ASB17: variants seen among roughly 807,000 people sequenced by gnomAD.
ASB17 encodes the protein ankyrin repeat and SOCS box protein 17.
Under a neutral mutation model 25.7 loss-of-function variants are expected in ASB17, and 26 were observed. The observed-to-expected ratio is 1.01, with a 90% confidence interval of 0.74 to 1.40. ASB17 has a LOEUF of 1.40. ASB17 is among the 40% of genes most tolerant of loss of function. The probability of loss-of-function intolerance (pLI) is 0.00; values close to 1 mark genes in which losing one functional copy is unlikely to be tolerated. For synonymous variants in ASB17, 128 were observed against 121.4 expected (o/e 1.05, Z -0.36); for missense variants, 326 against 338.5 (o/e 0.96, Z 0.29).
At chr1:75,919,902 A>G (rs1347107117) in intron 2 of ASB17, among the ~76,000 whole-genome samples, 2 of 152,244 alleles carry the variant, frequency 1.3e-5, no homozygotes, top group East Asian at 1.9e-4. Flanking sequence ...GTATATACCC[A>G]GTAATGGGAT....
At chr1:75,929,166 G>T (rs1653251509) in intron 1 of ASB17, among the ~76,000 whole-genome samples, 1 of 152,024 alleles carries the variant, frequency 6.6e-6, no homozygotes, top group African/African-American at 2.4e-5. Context: ...GATGGGGTTT[G>T]GGAGAAATAC....
rs114409813 is a variant in ASB17 at position 75,922,330 on chromosome 1, G to A, written c.431C>T (p.Pro144Leu). ...RTFTPVYCPS[P>L]LSGITPLFYV... ...AAAGAGAGGTGTGATGCCACTTAAT[G>A]GGCTTGGACAGTATACTGGTGTGAA... Residue 144 changes from proline (P) to leucine (L), a missense_variant, in exon 2 of 3, where the codon CCA becomes CTA. Pro to Leu is a moderately conservative substitution (Grantham distance 98). Coordinates refer to ENST00000284142, the MANE Select transcript of ASB17 (RefSeq NM_080868.3). The A allele has an allele frequency of 2.8e-4, 459 of 1,612,628 alleles. 1 individual carries two copies. The African/African-American group carries it at 5.5e-3, about 19-fold the overall frequency.
At chr1:75,920,014 G>A (rs901507906) in intron 2 of ASB17, among the ~76,000 whole-genome samples, 1 of 152,102 alleles carries the variant, frequency 6.6e-6, no homozygotes, top group Non-Finnish European at 1.5e-5. Flanking sequence ...GAGTAGTAAC[G>A]GTCAACTTAG....
chr1:75,926,049 G>A (rs192507386), intron 1 of ASB17, among the ~76,000 whole-genome samples: 228 of 152,156 alleles, frequency 1.5e-3, no homozygotes, highest in African/African-American at 5.2e-3. Flanking sequence ...GCTATTCCCA[G>A]GCAATTTCAT....
chr1:75,929,113 C>G (rs1653250088), intron 1 of ASB17, among the ~76,000 whole-genome samples: 1 of 152,084 alleles, frequency 6.6e-6, no homozygotes, highest in Non-Finnish European at 1.5e-5. Flanking sequence ...ACAGAAAGGT[C>G]TTTGTGGCTG....
rs555134387 is a variant in ASB17 at position 75,922,576 on chromosome 1, G to A, written c.402-217C>T. 2.4e-3 allele frequency among the ~76,000 whole-genome samples: 315 copies of A among 129,344 alleles called. 2 individuals are homozygous for A. Among genetic ancestry groups the A allele is most frequent in the Non-Finnish European group, 3.8e-3 (246 of 64,508 alleles). 84.9% of individuals were successfully genotyped at this position (129,344 alleles called of 152,430 possible). ...CAAAGGCACGATCTCTGCTCACTGC[G>A]ACCTCTGCCTCCTGGGTTCAAGTGA... On this transcript the variant is annotated intron_variant, in intron 1 of 2. Transcript: ENST00000284142.
At chr1:75,925,269 T>G (rs1455067612) in intron 1 of ASB17, among the ~76,000 whole-genome samples, 1 of 152,104 alleles carries the variant, frequency 6.6e-6, no homozygotes, top group East Asian at 1.9e-4. Flanking sequence ...AAAGGCAGTT[T>G]AATGTATTCA....
At chr1:75,919,274 C>T (rs1408700386) in intron 2 of ASB17, 116 bp from the exon 3 acceptor site, 1 of 767,872 alleles carries the variant, frequency 1.3e-6, no homozygotes, top group African/African-American at 1.8e-5. Context: ...TTATAAAACC[C>T]TTATAACTTT....
chr1:75,921,051 G>A (rs988310290), intron 2 of ASB17, among the ~76,000 whole-genome samples: 2 of 152,210 alleles, frequency 1.3e-5, no homozygotes, highest in African/African-American at 4.8e-5. Context: ...TGGGATTACA[G>A]GCGTGAGCCA....
At chr1:75,926,411 G>C (rs1653173378) in intron 1 of ASB17, among the ~76,000 whole-genome samples, 1 of 152,226 alleles carries the variant, frequency 6.6e-6, no homozygotes, top group South Asian at 2.1e-4. Flanking sequence ...ACCAGAAGGA[G>C]GTGCGGAAGT....
chr1:75,928,008 A>G (rs1404066968), intron 1 of ASB17, among the ~76,000 whole-genome samples: 1 of 152,130 alleles, frequency 6.6e-6, no homozygotes, highest in African/African-American at 2.4e-5. Context: ...TATCTCCCTT[A>G]GTTTCAGTAA....
At chr1:75,919,717 C>A (rs1285555478) in intron 2 of ASB17, among the ~76,000 whole-genome samples, 1 of 152,156 alleles carries the variant, frequency 6.6e-6, no homozygotes, top group Non-Finnish European at 1.5e-5. Flanking sequence ...GGCATGAACT[C>A]ATCCTTTTTT....
At chr1:75,922,488 CTTT>C (rs3037164) in intron 1 of ASB17, 129 bp from the exon 2 acceptor site, 2,754 of 121,932 alleles carry the variant, frequency 0.023, no homozygotes, top group Middle Eastern at 0.047. Context: ...TTATATGTTT[CTTT>C]TTTTTTTTTT....
At chr1:75,924,874 T>C (rs1653128504) in intron 1 of ASB17, among the ~76,000 whole-genome samples, 2 of 152,084 alleles carry the variant, frequency 1.3e-5, no homozygotes, top group African/African-American at 4.8e-5. Flanking sequence ...TAAACTGTTT[T>C]GTGAACTCTT....
At chr1:75,927,028 G>A (rs1270120634) in intron 1 of ASB17, among the ~76,000 whole-genome samples, 1 of 152,116 alleles carries the variant, frequency 6.6e-6, no homozygotes, top group Non-Finnish European at 1.5e-5. Context: ...GTCCTTATAA[G>A]TGCAGAGAAT....
intron 1 of ASB17, among the ~76,000 whole-genome samples, chr1:75,924,041 G>A (rs945971840): frequency 6.6e-6 from 1 of 152,046 alleles, no homozygotes; most frequent in Non-Finnish European, 1.5e-5. Flanking sequence ...TACTATAGAA[G>A]CACTGAGGAG....
intron 2 of ASB17, among the ~76,000 whole-genome samples, 163 bp from the exon 3 acceptor site, chr1:75,919,321 TC>T (rs1652966307): frequency 6.6e-6 from 1 of 152,192 alleles, no homozygotes; most frequent in Non-Finnish European, 1.5e-5. Flanking sequence ...AGTATTTTAT[TC>T]CCATTTTTTT....
At chr1:75,919,797 T>C (rs1289134823) in intron 2 of ASB17, among the ~76,000 whole-genome samples, 2 of 152,184 alleles carry the variant, frequency 1.3e-5, no homozygotes, top group African/African-American at 4.8e-5. Flanking sequence ...TGTTGGACAT[T>C]TGGGTTGGTT....
chr1:75,931,309 T>G (rs1161844523), intron 1 of ASB17, among the ~76,000 whole-genome samples: 1 of 152,204 alleles, frequency 6.6e-6, no homozygotes, highest in Non-Finnish European at 1.5e-5. Context: ...ATTGGAGATT[T>G]GATTTTCATA....
Sources: gnomAD v4.1 joint callset for allele counts (sites outside exome capture counted in the v4.1 genomes callset) on GRCh38, gnomAD v4.1.1 for gene constraint, MANE v1.5 for transcripts, NCBI Gene and HGNC (gene_info 2026-07-23, HGNC 2026-07-21) for gene names.